The following PDE9A variants were observed in gnomAD, a reference collection of about 807,000 sequenced individuals.
PDE9A encodes phosphodiesterase 9A, also known as high affinity cGMP-specific 3',5'-cyclic phosphodiesterase 9A.
Under a neutral mutation model 87.4 loss-of-function variants are expected in PDE9A, and 60 were observed. The observed-to-expected ratio is 0.69, with a 90% confidence interval of 0.56 to 0.85. The LOEUF is 0.85. Ranked by LOEUF, PDE9A falls within the 40% of genes least tolerant of loss-of-function variation. PDE9A has a pLI of 0.00. For synonymous variants in PDE9A, 272 were observed against 279.4 expected, an observed-to-expected ratio of 0.97 and a Z score of 0.27; for missense variants, 665 against 779.0, an observed-to-expected ratio of 0.85 and a Z score of 1.74.
rs193059502 is a variant in PDE9A at position 42,766,819 on chromosome 21, G to C, written c.1356+1325G>C. 5.3e-5 allele frequency among the ~76,000 whole-genome samples: 8 copies of C among 152,346 alleles called. No homozygotes were observed. The East Asian group carries it at 1.5e-3, about 29-fold the overall frequency. On this transcript the variant is annotated intron_variant, in intron 15 of 19. Coordinates refer to ENST00000291539, the MANE Select transcript of PDE9A (RefSeq NM_002606.3). ...TGAGGAAGGCAGAGATGGACCTGCAGTCAGGGGTGACCCAGGCCCCGCCGA... is the reference window on the plus strand; with the variant it reads ...TGAGGAAGGCAGAGATGGACCTGCACTCAGGGGTGACCCAGGCCCCGCCGA...
At position 42,655,958 on chromosome 21, in the gene PDE9A, C is replaced by T. The variant is rs571602206; in HGVS notation, c.69+2075C>T. Reference sequence around the variant, plus strand: ...TGAATCGTTTGCCCAAGCCATGTGCCGGGCAAAGCATGATAACTTCTCGCT... The same window carrying T: ...TGAATCGTTTGCCCAAGCCATGTGCTGGGCAAAGCATGATAACTTCTCGCT... On this transcript the variant is annotated intron_variant, in intron 1 of 19. Transcript: ENST00000291539. 1.6e-4 allele frequency among the ~76,000 whole-genome samples: 24 copies of T among 152,266 alleles called. 1 individual carries two copies. In the South Asian group the frequency reaches 4.2e-3, roughly 26 times the overall value.
intron 7 of PDE9A, among the ~76,000 whole-genome samples, chr21:42,740,583 G>GTGGATGGATGGA (rs58306941): frequency 2.8e-5 from 3 of 108,962 alleles, no homozygotes; most frequent in Admixed American, 9.0e-5. Flanking sequence ...AGATGGATGG[G>GTGGATGGATGGA]TGGATGGATG....
intron 4 of PDE9A, among the ~76,000 whole-genome samples, chr21:42,727,023 T>C (rs1233364495): frequency 6.6e-6 from 1 of 151,378 alleles, no homozygotes; most frequent in Non-Finnish European, 1.5e-5. Context: ...CAAAATTGTT[T>C]TTATTCTTGT....
chr21:42,716,998 C>T (rs946022605), intron 4 of PDE9A, among the ~76,000 whole-genome samples: 9 of 151,218 alleles, frequency 6.0e-5, no homozygotes, highest in East Asian at 5.8e-4. Context: ...GTGATCCACC[C>T]GCCTCAGCCT....
chr21:42,696,573 G>A lies in PDE9A; in HGVS notation c.219-2395G>A, dbSNP rs2060150834. On this transcript the variant is annotated intron_variant, in intron 3 of 19. Coordinates refer to ENST00000291539, the MANE Select transcript of PDE9A (RefSeq NM_002606.3). This position sits in a 1 kb window ranked among gnomAD's most constrained non-coding sequence, Gnocchi z 5.1. ...ATTTCCAGGGCTGCTCTCATGGTGGGAGCCGGAGAGACACTGAGAAGAGGA... is the reference window on the plus strand; with the variant it reads ...ATTTCCAGGGCTGCTCTCATGGTGGAAGCCGGAGAGACACTGAGAAGAGGA... Among the ~76,000 whole-genome samples, 1 of 151,796 alleles carries A rather than the reference G, an allele frequency of 6.6e-6. No homozygotes were observed. The highest frequency in any genetic ancestry group is 1.9e-4 in the East Asian group (1 of 5,152).
chr21:42,771,448 G>GCCTCCTC (rs1475268064), intron 18 of PDE9A, among the ~76,000 whole-genome samples: 1 of 152,172 alleles, frequency 6.6e-6, no homozygotes, highest in African/African-American at 2.4e-5. Context: ...CCAGCCTCCT[G>GCCTCCTC]CCTCCTCCCT....
In PDE9A at chr21:42,704,312, G is replaced by C. The variant is rs1256752667; in HGVS notation, c.262+5301G>C. 6.6e-6 allele frequency among the ~76,000 whole-genome samples: 1 copy of C among 152,066 alleles called. No homozygotes were observed. Among genetic ancestry groups the C allele is most frequent in the Non-Finnish European group, 1.5e-5 (1 of 68,012 alleles). ...ATCTCCATAGTCACATCCTGGCTGG[G>C]CTAACACCACCTTTCCCCGCCTCTG... On this transcript the variant is annotated intron_variant, in intron 4 of 19. Transcript: ENST00000291539. The surrounding 1 kb of genome is among the most constrained non-coding windows in gnomAD (Gnocchi z 5.3).
chr21:42,754,157 C>A, intron 10 of PDE9A, 93 bp downstream of exon 10: 1 of 676,412 alleles, frequency 1.5e-6, no homozygotes, highest in South Asian at 1.7e-5. Flanking sequence ...CTTCCTCCTT[C>A]TTGCTTTTTC....
At chr21:42,678,324 C>T (rs1253660141) in intron 1 of PDE9A, among the ~76,000 whole-genome samples, 1 of 152,240 alleles carries the variant, frequency 6.6e-6, no homozygotes, top group Non-Finnish European at 1.5e-5. Context: ...CACATTTGGA[C>T]TGAATAGATG....
chr21:42,764,996 TG>T (rs1248551833), intron 14 of PDE9A, among the ~76,000 whole-genome samples: 6 of 130,992 alleles, frequency 4.6e-5, no homozygotes, highest in South Asian at 5.7e-4. Context: ...GATGGATGGA[TG>T]GATGGATGGA....
chr21:42,697,593 C>A, intron 3 of PDE9A: 1 of 806,796 alleles, frequency 1.2e-6, no homozygotes, highest in Non-Finnish European at 2.2e-6. Flanking sequence ...TTCTCAGAGT[C>A]TGGAGGCTGA....
At chr21:42,729,376 C>G (rs1010902785) in intron 4 of PDE9A, among the ~76,000 whole-genome samples, 4 of 152,044 alleles carry the variant, frequency 2.6e-5, no homozygotes, top group African/African-American at 9.7e-5. Context: ...CTGTGTCTTC[C>G]CTCTAATTGT....
chr21:42,686,071 T>TA, intron 1 of PDE9A, 121 bp from the exon 2 acceptor site: 1 of 692,454 alleles, frequency 1.4e-6, no homozygotes. Flanking sequence ...TGCGTAGAGT[T>TA]ACAGCTTTTC....
intron 10 of PDE9A, among the ~76,000 whole-genome samples, chr21:42,754,847 A>G (rs1450842773): frequency 3.3e-5 from 5 of 152,192 alleles, no homozygotes; most frequent in African/African-American, 1.2e-4. Flanking sequence ...CTCCGCAGCC[A>G]TGTGGAACTG....
intron 8 of PDE9A, among the ~76,000 whole-genome samples, chr21:42,745,706 G>A (rs1017770339): frequency 6.6e-6 from 1 of 152,242 alleles, no homozygotes; most frequent in Non-Finnish European, 1.5e-5. Context: ...GCAGGAGGGT[G>A]GTGTTCCAGG....
intron 4 of PDE9A, chr21:42,724,683 C>T (rs1013959327): frequency 1.1e-5 from 8 of 750,968 alleles, no homozygotes; most frequent in African/African-American, 7.6e-5. Context: ...TCACTGGGAG[C>T]GCAGCTTTGT....
intron 4 of PDE9A, among the ~76,000 whole-genome samples, chr21:42,729,448 T>C (rs2051492597): frequency 6.6e-6 from 1 of 152,220 alleles, no homozygotes. Context: ...AGCTCTGTTT[T>C]GTTGATTTTC....
chr21:42,724,746 C>A, intron 4 of PDE9A: 1 of 245,312 alleles, frequency 4.1e-6, no homozygotes, highest in Non-Finnish European at 6.5e-6. Flanking sequence ...GGCGCATTGG[C>A]CGAGGTGTGG....
intron 8 of PDE9A, among the ~76,000 whole-genome samples, chr21:42,747,688 T>A (rs1335977781): frequency 2.0e-5 from 3 of 152,200 alleles, no homozygotes; most frequent in Non-Finnish European, 4.4e-5. Flanking sequence ...GGGGCAGGTC[T>A]ACCCCAGGGG....
Sources: gnomAD v4.1 joint callset for allele counts (sites outside exome capture counted in the v4.1 genomes callset) on GRCh38, gnomAD v4.1.1 for gene constraint, Gnocchi (gnomAD v3.1) non-coding constraint, MANE v1.5 for transcripts, NCBI Gene and HGNC (gene_info 2026-07-23, HGNC 2026-07-21) for gene names.